Variants in LRRC1 observed in about 807,000 individuals in gnomAD.
The protein encoded by LRRC1 is leucine rich repeat containing 1, also known as leucine-rich repeat-containing protein 1.
A neutral mutation model predicts 69.9 loss-of-function variants in LRRC1; 28 were observed. The observed-to-expected ratio is 0.40, with a 90% CI of 0.30 to 0.55. The LOEUF is 0.55. Ranked by LOEUF, LRRC1 falls within the 20% of genes least tolerant of loss-of-function variation. The pLI is 0.47. For synonymous variants in LRRC1, 236 were observed against 240.2 expected, an observed-to-expected ratio of 0.98 and a Z score of 0.16; for missense variants, 498 against 609.0, an observed-to-expected ratio of 0.82 and a Z score of 1.92.
rs187481968 is a variant in LRRC1 at position 53,901,505 on chromosome 6, C to T, written c.788-1124C>T. Reference sequence around the variant, plus strand: ...AGGCTGCGGTGAGCCGTGATTGTACCGGGGTACTCCAGCCTGGGCAATAGA... The same window carrying T: ...AGGCTGCGGTGAGCCGTGATTGTACTGGGGTACTCCAGCCTGGGCAATAGA... On this transcript the variant is annotated intron_variant, in intron 8 of 13. Coordinates refer to ENST00000370888, the MANE Select transcript of LRRC1 (RefSeq NM_018214.5). 5.7e-4 allele frequency among the ~76,000 whole-genome samples: 87 copies of T among 151,660 alleles called. No individual in the cohort carries two copies. The East Asian group carries it at 6.2e-3, about 11-fold the overall frequency.
chr6:53,859,177 C>A (rs891500677), intron 2 of LRRC1, among the ~76,000 whole-genome samples: 2 of 152,238 alleles, frequency 1.3e-5, no homozygotes, highest in East Asian at 3.9e-4. Context: ...AGAAAAATAT[C>A]TTGAAGGTCA....
intron 1 of LRRC1, among the ~76,000 whole-genome samples, chr6:53,831,911 C>T (rs2127412753): frequency 6.6e-6 from 1 of 152,200 alleles, no homozygotes; most frequent in Non-Finnish European, 1.5e-5. Flanking sequence ...AATAGGTAAT[C>T]CTAAAGTATT....
rs746369307 is a variant in LRRC1 at position 53,904,504 on chromosome 6, AAAT to A, written c.990+53_990+55del. The A allele has an allele frequency of 6.0e-5, 75 of 1,248,746 alleles. 1 individual carries two copies. In the Middle Eastern group the frequency reaches 1.2e-3, roughly 20 times the overall value. 77.4% of individuals were successfully genotyped at this position (1,248,746 alleles called of 1,614,324 possible). ...AAATCACATGATAATAATTATGAAG[AAAT>A]AATAATAATACATAAGGGATCAAAA... On this transcript the variant is annotated intron_variant, in intron 10 of 13. Transcript: ENST00000370888.
chr6:53,831,532 G>T (rs1448841925), intron 1 of LRRC1, among the ~76,000 whole-genome samples: 1 of 152,106 alleles, frequency 6.6e-6, no homozygotes, highest in African/African-American at 2.4e-5. Flanking sequence ...TGAATTCTTG[G>T]CTGCAATAAA....
chr6:53,796,636 G>C (rs1044926266), intron 1 of LRRC1, among the ~76,000 whole-genome samples: 5 of 152,190 alleles, frequency 3.3e-5, no homozygotes, highest in African/African-American at 1.2e-4. Context: ...AATATTTTAA[G>C]TGGTGGTGTT....
At chr6:53,910,385 G>T (rs1228636109) in intron 10 of LRRC1, among the ~76,000 whole-genome samples, 2 of 151,982 alleles carry the variant, frequency 1.3e-5, no homozygotes, top group Admixed American at 6.6e-5. Context: ...TCTGCCTCCT[G>T]AACCCAAAAG....
intron 2 of LRRC1, among the ~76,000 whole-genome samples, chr6:53,865,856 G>A (rs1057212471): frequency 2.0e-5 from 3 of 151,786 alleles, no homozygotes; most frequent in Non-Finnish European, 4.4e-5. Flanking sequence ...TGAGTAGCTG[G>A]GATTACAGGC....
intron 2 of LRRC1, among the ~76,000 whole-genome samples, chr6:53,863,478 A>C (rs112024398): frequency 0.011 from 1,626 of 152,262 alleles, 27 homozygotes; most frequent in African/African-American, 0.037. Flanking sequence ...CTCCACGTAG[A>C]TAGGTCTCTG....
intron 1 of LRRC1, among the ~76,000 whole-genome samples, chr6:53,798,459 A>G (rs754329465): frequency 8.5e-5 from 13 of 152,288 alleles, no homozygotes; most frequent in South Asian, 2.1e-4. Flanking sequence ...ACTCACTGCA[A>G]GCTCCTCCTT....
chr6:53,867,154 T>G lies in LRRC1; in HGVS notation c.278-11839T>G, dbSNP rs1766727690. Among the ~76,000 whole-genome samples, 5 of 152,124 alleles carry G rather than the reference T, an allele frequency of 3.3e-5. No individual in the cohort carries two copies. The South Asian group carries it at 1.0e-3, about 32-fold the overall frequency. On this transcript the variant is annotated intron_variant, in intron 2 of 13. Coordinates refer to ENST00000370888, the MANE Select transcript of LRRC1 (RefSeq NM_018214.5). ...CCATTGGGTGCCTCAGTTTGCTGAT[T>G]CGGAGAATGGAGATGATAGTAATAG...
intron 9 of LRRC1, among the ~76,000 whole-genome samples, chr6:53,904,023 A>G (rs1768151996): frequency 6.6e-6 from 1 of 152,208 alleles, no homozygotes. Context: ...CATCTAAGCC[A>G]CTGTCCCAGT....
intron 1 of LRRC1, among the ~76,000 whole-genome samples, chr6:53,835,454 A>G (rs1306680484): frequency 6.6e-6 from 1 of 152,214 alleles, no homozygotes; most frequent in Non-Finnish European, 1.5e-5. Flanking sequence ...AAGTTAAGTG[A>G]TTCACCCAGA....
intron 11 of LRRC1, among the ~76,000 whole-genome samples, chr6:53,916,771 G>C (rs1334568937): frequency 6.6e-6 from 1 of 152,196 alleles, no homozygotes; most frequent in East Asian, 1.9e-4. Context: ...AGTCACTGGT[G>C]AAGTTAATAT....
At chr6:53,883,914 G>T (rs960594194) in intron 4 of LRRC1, 5 of 717,580 alleles carry the variant, frequency 7.0e-6, no homozygotes, top group Non-Finnish European at 1.3e-5. Flanking sequence ...AAGAATATTT[G>T]CAGACAGCTT....
At chr6:53,815,622 C>G (rs1173871286) in intron 1 of LRRC1, among the ~76,000 whole-genome samples, 1 of 152,160 alleles carries the variant, frequency 6.6e-6, no homozygotes, top group Non-Finnish European at 1.5e-5. Flanking sequence ...TGCCAAGGCC[C>G]AGAGACTTTC....
chr6:53,875,197 C>G (rs111316143), intron 2 of LRRC1, among the ~76,000 whole-genome samples: 1 of 152,024 alleles, frequency 6.6e-6, no homozygotes, highest in Non-Finnish European at 1.5e-5. Context: ...GGAACATAGC[C>G]TAAGGAAATA....
At chr6:53,867,354 C>T (rs1342803810) in intron 2 of LRRC1, among the ~76,000 whole-genome samples, 4 of 151,980 alleles carry the variant, frequency 2.6e-5, no homozygotes, top group African/African-American at 4.8e-5. Context: ...AGAAATTGGT[C>T]TATGCCTGGG....
intron 1 of LRRC1, among the ~76,000 whole-genome samples, chr6:53,818,313 A>G (rs998008029): frequency 7.2e-5 from 11 of 152,184 alleles, no homozygotes; most frequent in South Asian, 4.1e-4. Context: ...CAGTTCTGGC[A>G]TTCTGTTTTA....
At chr6:53,913,605 CTG>C (rs961943123) in intron 10 of LRRC1, among the ~76,000 whole-genome samples, 1 of 152,136 alleles carries the variant, frequency 6.6e-6, no homozygotes, top group Non-Finnish European at 1.5e-5. Flanking sequence ...AATTTTTTAA[CTG>C]TATCATTGAT....
Sources: gnomAD v4.1 joint callset for allele counts (sites outside exome capture counted in the v4.1 genomes callset) on GRCh38, gnomAD v4.1.1 for gene constraint, MANE v1.5 for transcripts, NCBI Gene and HGNC (gene_info 2026-07-23, HGNC 2026-07-21) for gene names.